The following FGGY variants were observed in gnomAD, a reference collection of about 807,000 sequenced individuals.
FGGY encodes FGGY carbohydrate kinase domain containing, also known as FGGY carbohydrate kinase domain-containing protein.
Under a neutral mutation model 71.3 loss-of-function variants are expected in FGGY, and 72 were observed. That is an observed-to-expected ratio of 1.01 (90% CI 0.84 to 1.23). FGGY has a LOEUF of 1.23. FGGY is among the 50% of genes most tolerant of loss of function. The pLI, the probability that FGGY is intolerant of heterozygous loss-of-function variation, is 0.00. For missense variants in FGGY, 668 were observed against 682.3 expected, an observed-to-expected ratio of 0.98 and a Z score of 0.23; for synonymous variants, 251 against 250.3, an observed-to-expected ratio of 1.00 and a Z score of -0.02.
intron 4 of FGGY, among the ~76,000 whole-genome samples, chr1:59,349,251 G>C (rs1301607560): frequency 1.3e-5 from 2 of 152,144 alleles, no homozygotes. Context: ...ATGGCTCTTG[G>C]CGTAGGACCA....
intron 7 of FGGY, among the ~76,000 whole-genome samples, chr1:59,513,385 A>G (rs2094562940): frequency 6.6e-6 from 1 of 152,186 alleles, no homozygotes; most frequent in Non-Finnish European, 1.5e-5. Context: ...AGACACTTCC[A>G]TACTCTGCCC....
chr1:59,728,926 T>A (rs1185609419), intron 14 of FGGY, among the ~76,000 whole-genome samples: 1 of 152,070 alleles, frequency 6.6e-6, no homozygotes, highest in Non-Finnish European at 1.5e-5. Context: ...TGGTGTTTCT[T>A]CTTTATTTTG....
At chr1:59,353,413 A>G (rs919568927) in intron 4 of FGGY, among the ~76,000 whole-genome samples, 2 of 152,168 alleles carry the variant, frequency 1.3e-5, no homozygotes, top group Non-Finnish European at 2.9e-5. Flanking sequence ...TTCCTGTTTT[A>G]TTAAGGAAAA....
chr1:59,430,867 G>C (rs918538047), intron 5 of FGGY, among the ~76,000 whole-genome samples: 1 of 151,970 alleles, frequency 6.6e-6, no homozygotes, highest in Admixed American at 6.6e-5. Flanking sequence ...ACTTTTCATT[G>C]GGTAGCCCTA....
At chr1:59,422,820 A>G (rs1377596152) in intron 5 of FGGY, among the ~76,000 whole-genome samples, 1 of 152,220 alleles carries the variant, frequency 6.6e-6, no homozygotes, top group Non-Finnish European at 1.5e-5. Flanking sequence ...AGGAAAGGCA[A>G]CTGATATTTA....
intron 4 of FGGY, among the ~76,000 whole-genome samples, chr1:59,372,743 G>A (rs140983112): frequency 0.028 from 4,285 of 152,232 alleles, 224 homozygotes; most frequent in African/African-American, 0.098. Context: ...TGGGATGTAA[G>A]GCTGGTCCAA....
At chr1:59,337,177 C>T (rs1418750729) in intron 2 of FGGY, among the ~76,000 whole-genome samples, 1 of 151,700 alleles carries the variant, frequency 6.6e-6, no homozygotes, top group Non-Finnish European at 1.5e-5. Context: ...AGTTCAAGTC[C>T]AAAAGCCTTG....
At chr1:59,601,444 T>C (rs940351761) in intron 8 of FGGY, among the ~76,000 whole-genome samples, 6 of 152,192 alleles carry the variant, frequency 3.9e-5, no homozygotes, top group Admixed American at 2.6e-4. Flanking sequence ...AGCTTGAGCA[T>C]AGACAAAAAG....
chr1:59,736,762 A>G (rs940198583), intron 14 of FGGY, among the ~76,000 whole-genome samples: 1 of 152,232 alleles, frequency 6.6e-6, no homozygotes, highest in Non-Finnish European at 1.5e-5. Flanking sequence ...TGACAATGCA[A>G]TAGAAAAGAA....
intron 14 of FGGY, among the ~76,000 whole-genome samples, chr1:59,750,816 A>C (rs138617235): frequency 3.0e-4 from 45 of 152,224 alleles, no homozygotes; most frequent in Admixed American, 7.2e-4. Context: ...CAGCCCACAC[A>C]TTAGCATGTG....
intron 4 of FGGY, among the ~76,000 whole-genome samples, chr1:59,373,365 C>G (rs1275772289): frequency 6.6e-6 from 1 of 152,176 alleles, no homozygotes; most frequent in Non-Finnish European, 1.5e-5. Flanking sequence ...TGAAGGACCT[C>G]TTCAAGGAGA....
chr1:59,750,566 A>G (rs543157416), intron 14 of FGGY, among the ~76,000 whole-genome samples: 1 of 152,292 alleles, frequency 6.6e-6, no homozygotes, highest in South Asian at 2.1e-4. Context: ...TCATATCATG[A>G]GTAATGATAA....
At chr1:59,530,761 T>C (rs143674191) in intron 7 of FGGY, among the ~76,000 whole-genome samples, 183 of 152,302 alleles carry the variant, frequency 1.2e-3, no homozygotes, top group African/African-American at 4.2e-3. Flanking sequence ...GAATACCGAG[T>C]ATACTATAGT....
At chr1:59,462,376 A>C (rs2092306597) in intron 6 of FGGY, among the ~76,000 whole-genome samples, 1 of 152,192 alleles carries the variant, frequency 6.6e-6, no homozygotes, top group African/African-American at 2.4e-5. Flanking sequence ...CCTAGGCATT[A>C]CCATTCAGGA....
At chr1:59,431,854 C>G (rs992004775) in intron 5 of FGGY, among the ~76,000 whole-genome samples, 6 of 152,190 alleles carry the variant, frequency 3.9e-5, no homozygotes, top group African/African-American at 1.4e-4. Context: ...GACTTTGACT[C>G]TGGTTCCTAA....
intron 4 of FGGY, among the ~76,000 whole-genome samples, chr1:59,374,504 C>T (rs546353225): frequency 1.3e-5 from 2 of 152,232 alleles, no homozygotes; most frequent in African/African-American, 4.8e-5. Context: ...GGCGATTCCT[C>T]AGGGATCTAG....
At chr1:59,556,930 G>A (rs2095696495) in intron 8 of FGGY, among the ~76,000 whole-genome samples, 1 of 152,162 alleles carries the variant, frequency 6.6e-6, no homozygotes, top group Non-Finnish European at 1.5e-5. Context: ...GTGTTGTGCT[G>A]GAAATAAAGT....
At chr1:59,707,354 A>G (rs962054688) in intron 14 of FGGY, among the ~76,000 whole-genome samples, 1 of 152,192 alleles carries the variant, frequency 6.6e-6, no homozygotes, top group Admixed American at 6.5e-5. Context: ...CTTTTAATAC[A>G]TGCCTTGCCT....
chr1:59,409,598 T>TTATATATATA (rs202016801), intron 5 of FGGY, among the ~76,000 whole-genome samples: 1,151 of 105,664 alleles, frequency 0.011, 11 homozygotes, highest in African/African-American at 0.033. Flanking sequence ...GAAGAGTTTT[T>TTATATATATA]TATATATATA....
Sources: allele counts gnomAD v4.1 joint callset (sites outside exome capture counted in the v4.1 genomes callset), GRCh38; gene constraint gnomAD v4.1.1; transcripts MANE v1.5; gene names NCBI Gene and HGNC (gene_info 2026-07-23, HGNC 2026-07-21).